AKAP12: variants seen among roughly 807,000 people sequenced by gnomAD.
AKAP12 encodes the protein A-kinase anchor protein 12.
A neutral mutation model predicts 79.9 loss-of-function variants in AKAP12; 32 were observed. The ratio of observed to expected loss-of-function variants is 0.40; its 90% confidence interval spans 0.30 to 0.54. The LOEUF is 0.54. Among genes scored for constraint, AKAP12 ranks in the 20% least tolerant of loss-of-function variants. The pLI is 0.48. For synonymous variants in AKAP12, 808 were observed against 857.0 expected, an observed-to-expected ratio of 0.94 and a Z score of 1.00; for missense variants, 2,074 against 2,177.0, an observed-to-expected ratio of 0.95 and a Z score of 0.94.
intron 3 of AKAP12, among the ~76,000 whole-genome samples, chr6:151,317,571 T>A (rs1777264952): frequency 6.6e-6 from 1 of 152,208 alleles, no homozygotes; most frequent in African/African-American, 2.4e-5. Flanking sequence ...GAACCATTTC[T>A]TTCTCAGACT....
chr6:151,347,290 G>C (rs1278182178), intron 3 of AKAP12, among the ~76,000 whole-genome samples: 1 of 152,156 alleles, frequency 6.6e-6, no homozygotes, highest in Non-Finnish European at 1.5e-5. Flanking sequence ...GTCCCTTTTG[G>C]GGACCTGTTG....
At chr6:151,305,940 A>G (rs922897051) in intron 3 of AKAP12, 37 bp downstream of exon 3, 1 of 1,565,552 alleles carries the variant, frequency 6.4e-7, no homozygotes, top group South Asian at 1.2e-5. Flanking sequence ...GGCACACAGC[A>G]CTTGCAACAA....
intron 2 of AKAP12, among the ~76,000 whole-genome samples, chr6:151,260,203 A>G (rs1164675639): frequency 2.0e-5 from 3 of 152,164 alleles, no homozygotes; most frequent in Non-Finnish European, 4.4e-5. Flanking sequence ...GCTATTCCCT[A>G]TGTTACCAAC....
chr6:151,245,635 C>T (rs367705434), intron 2 of AKAP12, among the ~76,000 whole-genome samples: 3,106 of 116,746 alleles, frequency 0.027, 132 homozygotes, highest in African/African-American at 0.093. Context: ...CCAGCCTGGG[C>T]GACAGAGAGA....
intron 3 of AKAP12, among the ~76,000 whole-genome samples, chr6:151,345,076 A>G (rs1270979206): frequency 6.6e-6 from 1 of 151,742 alleles, no homozygotes; most frequent in Admixed American, 6.6e-5. Flanking sequence ...TGTACTAGTT[A>G]TAATTTTTTT....
At chr6:151,240,251 C>T in intron 1 of AKAP12, 133 bp from the exon 2 acceptor site, 1 of 234,992 alleles carries the variant, frequency 4.3e-6, no homozygotes, top group Non-Finnish European at 8.1e-6. Flanking sequence ...CCTCTGGTCC[C>T]GGCAGCCTGG....
chr6:151,247,047 C>T (rs1265384741), intron 2 of AKAP12, among the ~76,000 whole-genome samples: 1 of 152,082 alleles, frequency 6.6e-6, no homozygotes, highest in Non-Finnish European at 1.5e-5. Flanking sequence ...CCCACCTCTG[C>T]CTCCCAAAGT....
chr6:151,245,958 T>A (rs2114676621), intron 2 of AKAP12, among the ~76,000 whole-genome samples: 1 of 152,330 alleles, frequency 6.6e-6, no homozygotes, highest in East Asian at 1.9e-4. Flanking sequence ...GGATGTCTTT[T>A]CATATCAGGA....
At chr6:151,241,744 T>C (rs1428634404) in intron 2 of AKAP12, among the ~76,000 whole-genome samples, 1 of 151,860 alleles carries the variant, frequency 6.6e-6, no homozygotes, top group Non-Finnish European at 1.5e-5. Flanking sequence ...GATAACCATG[T>C]TTAATAGTTA....
At chr6:151,275,083 G>T (rs1472849351) in intron 2 of AKAP12, among the ~76,000 whole-genome samples, 1 of 152,056 alleles carries the variant, frequency 6.6e-6, no homozygotes, top group African/African-American at 2.4e-5. Context: ...CAGCCTGGGT[G>T]ACAGAGCAAG....
At chr6:151,343,572 T>A (rs1778004623) in intron 3 of AKAP12, among the ~76,000 whole-genome samples, 1 of 152,086 alleles carries the variant, frequency 6.6e-6, no homozygotes, top group African/African-American at 2.4e-5. Flanking sequence ...TCACCTGAGG[T>A]CAGGAGTTTG....
chr6:151,348,986 C>T lies in AKAP12; in HGVS notation c.595C>T (p.Leu199Phe). ...AGAGAAGCCTGACACTGTCCAGCTA[C>T]TCACTGTGAAGAAAGATGAAGGGGA... ...KTEKPDTVQLLTVKKDEGEGA... is the reference protein window; with the variant it reads ...KTEKPDTVQLFTVKKDEGEGA... The change falls in exon 4 of 5, where the codon CTC becomes TTC. Residue 199 changes from leucine to phenylalanine, a missense_variant. Transcript: ENST00000402676. 1 of 1,614,062 alleles carries T rather than the reference C, an allele frequency of 6.2e-7. No individual in the cohort carries two copies. The highest frequency in any genetic ancestry group is 1.1e-5 in the South Asian group (1 of 91,072).
intron 3 of AKAP12, chr6:151,324,531 G>T: frequency 1.0e-6 from 1 of 985,320 alleles, no homozygotes; most frequent in Non-Finnish European, 1.2e-6. Context: ...GCCCACTGTG[G>T]TCTACGCCGA....
intron 3 of AKAP12, chr6:151,341,731 G>T: frequency 7.8e-7 from 1 of 1,276,588 alleles, no homozygotes; most frequent in Non-Finnish European, 1.0e-6. Flanking sequence ...CCGCAGCGAT[G>T]GCGGACACGG....
intron 3 of AKAP12, among the ~76,000 whole-genome samples, chr6:151,310,236 A>G (rs112620365): frequency 0.043 from 6,512 of 152,078 alleles, 432 homozygotes; most frequent in African/African-American, 0.15. Flanking sequence ...TGGATGGCAG[A>G]TGCCTGATAT....
intron 3 of AKAP12, among the ~76,000 whole-genome samples, chr6:151,332,065 C>T (rs559458265): frequency 6.4e-4 from 68 of 107,044 alleles, no homozygotes; most frequent in Non-Finnish European, 8.5e-4. Context: ...GAGACAGTCT[C>T]GCTCTGTTGC....
intron 2 of AKAP12, among the ~76,000 whole-genome samples, chr6:151,291,179 C>T (rs955177413): frequency 1.3e-5 from 2 of 152,162 alleles, no homozygotes; most frequent in African/African-American, 2.4e-5. Context: ...TTGGAATCAC[C>T]TGGGGGAGCC....
intron 3 of AKAP12, among the ~76,000 whole-genome samples, chr6:151,318,645 C>T (rs1358466212): frequency 1.3e-5 from 2 of 152,146 alleles, no homozygotes; most frequent in Non-Finnish European, 1.5e-5. Context: ...TCTAGAAACT[C>T]ATACACTTGG....
At chr6:151,291,313 T>C (rs7773567) in intron 2 of AKAP12, among the ~76,000 whole-genome samples, 268 of 152,270 alleles carry the variant, frequency 1.8e-3, no homozygotes, top group African/African-American at 6.0e-3. Flanking sequence ...GGGTGAGAAA[T>C]TTGCCCACAT....
Sources: gnomAD v4.1 joint callset for allele counts (sites outside exome capture counted in the v4.1 genomes callset) on GRCh38, gnomAD v4.1.1 for gene constraint, MANE v1.5 for transcripts, NCBI Gene and HGNC (gene_info 2026-07-23, HGNC 2026-07-21) for gene names.